Variants in PAK3 observed in about 807,000 individuals in gnomAD.
PAK3 encodes p21 (RAC1) activated kinase 3, also known as serine/threonine-protein kinase PAK 3.
A neutral mutation model predicts 41.0 loss-of-function variants in PAK3; 4 were observed. That is an observed-to-expected ratio of 0.10 (90% CI 0.05 to 0.22). The LOEUF (loss-of-function observed/expected upper bound fraction) is 0.22, where lower values mean the gene tolerates loss of function less well. Ranked by LOEUF, PAK3 falls within the 10% of genes least tolerant of loss-of-function variation. The pLI, the probability that PAK3 is intolerant of heterozygous loss-of-function variation, is 1.00. For missense variants in PAK3, 205 were observed against 409.9 expected, an observed-to-expected ratio of 0.50 and a Z score of 4.32; for synonymous variants, 146 against 139.6, an observed-to-expected ratio of 1.05 and a Z score of -0.32.
intron 1 of PAK3, among the ~76,000 whole-genome samples, chrX:110,977,878 G>T (rs192475432): frequency 9.8e-4 from 110 of 111,848 alleles, no homozygotes; most frequent in African/African-American, 3.5e-3. Flanking sequence ...TCCAATCAGG[G>T]TGGCTTTTAT....
At chrX:111,198,269 G>A (rs1420583258) in intron 16 of PAK3, among the ~76,000 whole-genome samples, 1 of 112,175 alleles carries the variant, frequency 8.9e-6, no homozygotes, top group Non-Finnish European at 1.9e-5. Flanking sequence ...CTCCCTTTCT[G>A]TAGGTTGTCT....
intron 1 of PAK3, among the ~76,000 whole-genome samples, chrX:110,962,668 A>G (rs1294837495): frequency 8.9e-6 from 1 of 112,558 alleles, no homozygotes; most frequent in Non-Finnish European, 1.9e-5. Flanking sequence ...GCCACATAAC[A>G]GGGCCAAGCC....
chrX:110,963,762 T>G (rs1269025104), intron 1 of PAK3, among the ~76,000 whole-genome samples: 1 of 112,728 alleles, frequency 8.9e-6, no homozygotes, highest in Admixed American at 9.3e-5. Context: ...GAAAGGACGA[T>G]GTTGAACCAA....
chrX:111,195,301 C>A (rs753984349), intron 14 of PAK3, among the ~76,000 whole-genome samples: 8 of 111,847 alleles, frequency 7.2e-5, no homozygotes, highest in Non-Finnish European at 1.5e-4. Context: ...AAACTTACTA[C>A]CCTGAGCCTG....
intron 14 of PAK3, among the ~76,000 whole-genome samples, 168 bp from the exon 15 acceptor site, chrX:111,195,674 T>C (rs1357022170): frequency 8.9e-6 from 1 of 112,172 alleles, no homozygotes; most frequent in Non-Finnish European, 1.9e-5. Context: ...AGTGGCATCA[T>C]TGATGTAAAT....
At chrX:110,975,395 C>T (rs766726467) in intron 1 of PAK3, among the ~76,000 whole-genome samples, 2 of 111,762 alleles carry the variant, frequency 1.8e-5, no homozygotes, top group African/African-American at 3.3e-5. Context: ...AGGAATCCAA[C>T]TAACAAGGGA....
intron 10 of PAK3, among the ~76,000 whole-genome samples, chrX:111,167,263 G>A (rs1346041437): frequency 9.0e-6 from 1 of 110,925 alleles, no homozygotes; most frequent in African/African-American, 3.3e-5. Flanking sequence ...ATTGGAGCTT[G>A]GGGAAAAAGT....
intron 1 of PAK3, among the ~76,000 whole-genome samples, chrX:111,026,754 A>G (rs1364090600): frequency 2.7e-5 from 3 of 111,649 alleles, no homozygotes; most frequent in African/African-American, 9.8e-5. Context: ...GGACAAATTC[A>G]GTGCAATTCC....
At chrX:111,138,674 C>G (rs1363035554) in intron 5 of PAK3, among the ~76,000 whole-genome samples, 1 of 110,777 alleles carries the variant, frequency 9.0e-6, no homozygotes, top group Non-Finnish European at 1.9e-5. Flanking sequence ...TATGAGAAAG[C>G]CTGGCAGTTT....
chrX:110,987,226 A>G (rs1483831491), intron 1 of PAK3, among the ~76,000 whole-genome samples: 1 of 112,397 alleles, frequency 8.9e-6, no homozygotes, highest in Non-Finnish European at 1.9e-5. Flanking sequence ...TCTTTGAAGC[A>G]TAGTGCAAAG....
At chrX:111,093,005 C>T (rs977422735), upstream of PAK3, among the ~76,000 whole-genome samples, 1 of 111,676 alleles carries the variant, frequency 9.0e-6, no homozygotes. Flanking sequence ...TTCCTTTTAT[C>T]CAGGATTTGA....
intron 1 of PAK3, among the ~76,000 whole-genome samples, chrX:111,022,755 T>C (rs2092207040): frequency 1.8e-5 from 2 of 111,363 alleles, no homozygotes; most frequent in Non-Finnish European, 3.8e-5. Flanking sequence ...AGAATAGATA[T>C]GAATTCAACA....
At chrX:111,201,712 C>T (rs2094685486) in intron 16 of PAK3, among the ~76,000 whole-genome samples, 1 of 109,110 alleles carries the variant, frequency 9.2e-6, no homozygotes, top group Non-Finnish European at 1.9e-5. Flanking sequence ...CCTTTCTAAG[C>T]CTGCTTCCTA....
intron 14 of PAK3, 82 bp downstream of exon 14, chrX:111,194,500 C>T (rs1263890616): frequency 2.5e-5 from 15 of 609,189 alleles, no homozygotes; most frequent in Non-Finnish European, 4.0e-5. Flanking sequence ...ATGTTTGTAT[C>T]ATCAAAGTAA....
chrX:111,037,343 A>T (rs949015737), intron 1 of PAK3, among the ~76,000 whole-genome samples: 3 of 111,277 alleles, frequency 2.7e-5, no homozygotes, highest in East Asian at 5.6e-4. Context: ...AAGCTTACTG[A>T]CTCCCTACAA....
chrX:111,127,641 T>G (rs1272906372), intron 5 of PAK3, among the ~76,000 whole-genome samples: 2 of 110,906 alleles, frequency 1.8e-5, no homozygotes, highest in Non-Finnish European at 3.8e-5. Flanking sequence ...TGATTTTATT[T>G]TATGGACCCT....
intron 10 of PAK3, among the ~76,000 whole-genome samples, chrX:111,164,764 G>A (rs2094233981): frequency 8.9e-6 from 1 of 111,881 alleles, no homozygotes; most frequent in South Asian, 3.7e-4. Flanking sequence ...AACCTTGGAG[G>A]ACACAATAGA....
At chrX:110,982,512 G>A (rs558512753) in intron 1 of PAK3, among the ~76,000 whole-genome samples, 2 of 112,046 alleles carry the variant, frequency 1.8e-5, no homozygotes, top group South Asian at 7.4e-4. Flanking sequence ...AGAAATTGGG[G>A]TTATGATTGT....
At chrX:111,026,604 G>A (rs1445996717) in intron 1 of PAK3, among the ~76,000 whole-genome samples, 1 of 111,125 alleles carries the variant, frequency 9.0e-6, no homozygotes, top group East Asian at 2.8e-4. Flanking sequence ...CCTAACCAAG[G>A]AAGTGAAAGA....
Sources: allele counts gnomAD v4.1 joint callset (sites outside exome capture counted in the v4.1 genomes callset), GRCh38; gene constraint gnomAD v4.1.1; transcripts MANE v1.5; gene names NCBI Gene and HGNC (gene_info 2026-07-23, HGNC 2026-07-21).